The following GRIP1 variants were observed in gnomAD, a reference collection of about 807,000 sequenced individuals.
The protein encoded by GRIP1 is glutamate receptor interacting protein 1.
In GRIP1, 45 loss-of-function variants were observed where a neutral mutation model predicts 129.9. That is an observed-to-expected ratio of 0.35 (90% CI 0.27 to 0.44). The LOEUF is 0.44. Ranked by LOEUF, GRIP1 falls within the 20% of genes least tolerant of loss-of-function variation. The pLI is 1.00. For synonymous variants in GRIP1, 530 were observed against 520.8 expected, an observed-to-expected ratio of 1.02 and a Z score of -0.24; for missense variants, 1,196 against 1,396.8, an observed-to-expected ratio of 0.86 and a Z score of 2.29.
In GRIP1 at chr12:66,528,134, GT is replaced by G. The variant is rs59443918; in HGVS notation, c.502+1696del. 6.1e-4 allele frequency among the ~76,000 whole-genome samples: 61 copies of G among 99,240 alleles called. 1 individual carries two copies. The East Asian group carries it at 8.2e-3, about 13-fold the overall frequency. The allele number at this position is 99,240 out of a possible 152,430, so 65.1% of individuals were successfully genotyped here. On this transcript the variant is annotated intron_variant, in intron 5 of 24. Coordinates refer to ENST00000359742, the MANE Select transcript of GRIP1 (RefSeq NM_001366722.1). ...TAGAATTATACTTTAGAATTAGTAGGTTTTTTTTTTTTTTTTTTGAGATGGA... is the reference window on the plus strand; with the variant it reads ...TAGAATTATACTTTAGAATTAGTAGGTTTTTTTTTTTTTTTTTGAGATGGA...
At chr12:66,970,833 G>C (rs142070880) in intron 1 of GRIP1, among the ~76,000 whole-genome samples, 1 of 152,020 alleles carries the variant, frequency 6.6e-6, no homozygotes, top group Admixed American at 6.6e-5. Context: ...GAGGTGCCTC[G>C]AGTCAGAGAA....
At chr12:66,477,535 G>T (rs1343325499) in intron 7 of GRIP1, among the ~76,000 whole-genome samples, 1 of 151,722 alleles carries the variant, frequency 6.6e-6, no homozygotes, top group African/African-American at 2.4e-5. Flanking sequence ...CTAGTTTAAA[G>T]TTCATATGGA....
chr12:66,685,814 GCTAC>G (rs1220051390), intron 1 of GRIP1, among the ~76,000 whole-genome samples: 2 of 151,960 alleles, frequency 1.3e-5, no homozygotes, highest in African/African-American at 2.4e-5. Context: ...CATCTAACAC[GCTAC>G]CTATTTGGAT....
intron 7 of GRIP1, among the ~76,000 whole-genome samples, chr12:66,473,214 G>A (rs1165897176): frequency 1.3e-5 from 2 of 152,170 alleles, no homozygotes; most frequent in African/African-American, 2.4e-5. Flanking sequence ...CCACTGGGAG[G>A]TTTGAACTGG....
intron 7 of GRIP1, among the ~76,000 whole-genome samples, chr12:66,479,190 AAAGAG>A (rs2138530984): frequency 6.6e-6 from 1 of 152,126 alleles, no homozygotes; most frequent in South Asian, 2.1e-4. Context: ...ATAAGGAAGA[AAAGAG>A]AAAAGAATCA....
chr12:66,997,811 G>A (rs2042492002), intron 1 of GRIP1, among the ~76,000 whole-genome samples: 1 of 152,134 alleles, frequency 6.6e-6, no homozygotes, highest in South Asian at 2.1e-4. Flanking sequence ...ATAATTTGCA[G>A]AGCTGAGATA....
At chr12:66,456,850 T>C (rs883230) in intron 9 of GRIP1, among the ~76,000 whole-genome samples, 60,680 of 152,026 alleles carry the variant, frequency 0.4, 13,165 homozygotes, top group African/African-American at 0.55. Context: ...ACATTTTAAT[T>C]GCACTACAAT....
intron 2 of GRIP1, among the ~76,000 whole-genome samples, chr12:66,548,428 C>G (rs2062015296): frequency 6.6e-6 from 1 of 152,172 alleles, no homozygotes; most frequent in South Asian, 2.1e-4. Context: ...GTTCACATCC[C>G]AAGGGCAAGA....
At chr12:66,751,535 T>G (rs955387745) in intron 1 of GRIP1, among the ~76,000 whole-genome samples, 1 of 152,180 alleles carries the variant, frequency 6.6e-6, no homozygotes, top group African/African-American at 2.4e-5. Context: ...GCTTAGTTTA[T>G]TTCATTTCTA....
intron 3 of GRIP1, among the ~76,000 whole-genome samples, chr12:66,540,747 G>A (rs2061751409): frequency 1.3e-5 from 2 of 152,138 alleles, no homozygotes; most frequent in Non-Finnish European, 2.9e-5. Context: ...TTGGTGGCCA[G>A]AATTTAAGGT....
rs1003927738 is a variant in GRIP1 at position 66,444,465 on chromosome 12, C to G, written c.1687+119G>C. 6.0e-6 allele frequency: 5 copies of G among 831,716 alleles called. No individual in the cohort carries two copies. In the South Asian group the frequency reaches 6.1e-5, roughly 10 times the overall value. 51.5% of individuals were successfully genotyped at this position (831,716 alleles called of 1,614,324 possible). A position where few individuals can be genotyped will look rare whatever the true frequency, so the allele number is the denominator to read the frequency against. ...TGCGCCACTGCAGTCCGCAGTCCAG[C>G]CTGGGCGACAGAGCGAGACTCCGTC... On this transcript the variant is annotated intron_variant, in intron 13 of 24. Transcript: ENST00000359742.
At chr12:66,941,395 G>A (rs2041583259) in intron 1 of GRIP1, among the ~76,000 whole-genome samples, 1 of 152,164 alleles carries the variant, frequency 6.6e-6, no homozygotes, top group Non-Finnish European at 1.5e-5. Flanking sequence ...TTTAGTCTCT[G>A]TTTAACAGTT....
At chr12:67,043,065 G>A (rs570110214) in intron 1 of GRIP1, among the ~76,000 whole-genome samples, 1 of 152,148 alleles carries the variant, frequency 6.6e-6, no homozygotes, top group Non-Finnish European at 1.5e-5. Flanking sequence ...ATAAGGGCTG[G>A]CAGGTGTGTG....
chr12:66,566,796 GC>G (rs2062777047), intron 2 of GRIP1, among the ~76,000 whole-genome samples: 1 of 152,090 alleles, frequency 6.6e-6, no homozygotes, highest in Admixed American at 6.6e-5. Context: ...ATTAATCATT[GC>G]TTCAATTTCA....
intron 7 of GRIP1, among the ~76,000 whole-genome samples, chr12:66,475,493 C>G (rs1402382850): frequency 2.6e-5 from 4 of 152,230 alleles, no homozygotes; most frequent in Non-Finnish European, 5.9e-5. Context: ...CAGACATCTA[C>G]AGAACTCCCC....
At chr12:66,674,528 A>G (rs1280794716) in intron 1 of GRIP1, among the ~76,000 whole-genome samples, 1 of 152,224 alleles carries the variant, frequency 6.6e-6, no homozygotes, top group African/African-American at 2.4e-5. Flanking sequence ...GATGAGTGTC[A>G]GAGTTTAAAG....
In GRIP1 at chr12:66,462,951, G is replaced by T; in HGVS notation, c.1015C>A (p.Arg339=). The change falls in exon 9 of 25, where the codon CGG becomes AGG. Residue 339 remains arginine (R), a synonymous_variant. Coordinates refer to ENST00000359742, the MANE Select transcript of GRIP1 (RefSeq NM_001366722.1). ...KLEILPHHQT[R]LALKGPDHVK... Reference sequence around the variant, plus strand: ...TGGTCGGGCCCCTTTAGGGCCAGCCGGGTCTGATGATGGGGAAGGATCTCA... The same window carrying T: ...TGGTCGGGCCCCTTTAGGGCCAGCCTGGTCTGATGATGGGGAAGGATCTCA... The T allele has an allele frequency of 1.2e-6, 2 of 1,613,928 alleles. No individual in the cohort carries two copies. Among genetic ancestry groups the T allele is most frequent in the Non-Finnish European group, 1.7e-6 (2 of 1,179,938 alleles).
intron 1 of GRIP1, among the ~76,000 whole-genome samples, chr12:66,825,137 A>T (rs139372486): frequency 6.6e-6 from 1 of 152,164 alleles, no homozygotes; most frequent in Admixed American, 6.5e-5. Context: ...AAGATTTTCA[A>T]TTTACACTAT....
At chr12:66,972,671 G>C (rs901940895) in intron 1 of GRIP1, among the ~76,000 whole-genome samples, 1 of 152,072 alleles carries the variant, frequency 6.6e-6, no homozygotes, top group East Asian at 1.9e-4. Context: ...GTTCATTAAC[G>C]ACCTGTCCTC....
Sources: allele counts gnomAD v4.1 joint callset (sites outside exome capture counted in the v4.1 genomes callset), GRCh38; gene constraint gnomAD v4.1.1; transcripts MANE v1.5; gene names NCBI Gene and HGNC (gene_info 2026-07-23, HGNC 2026-07-21).